TRPM6: variants seen among roughly 807,000 people sequenced by gnomAD.
TRPM6 encodes the protein transient receptor potential cation channel subfamily M member 6, also known as channel kinase 2.
Under a neutral mutation model 247.6 loss-of-function variants are expected in TRPM6, and 111 were observed. The observed-to-expected ratio is 0.45, with a 90% CI of 0.38 to 0.52. The LOEUF is 0.52. Among genes scored for constraint, TRPM6 ranks in the 20% least tolerant of loss-of-function variants. TRPM6 has a pLI of 0.00. For synonymous variants in TRPM6, 892 were observed against 853.8 expected, an observed-to-expected ratio of 1.04 and a Z score of -0.78; for missense variants, 2,126 against 2,421.5, an observed-to-expected ratio of 0.88 and a Z score of 2.56.
At chr9:74,724,985 T>C (rs2118657964) in intron 38 of TRPM6, among the ~76,000 whole-genome samples, 1 of 152,294 alleles carries the variant, frequency 6.6e-6, no homozygotes, top group East Asian at 1.9e-4. Context: ...AAGAAAGACT[T>C]GGTTGCTTGC....
At chr9:74,869,525 G>C (rs112401396) in intron 1 of TRPM6, among the ~76,000 whole-genome samples, 3,005 of 151,670 alleles carry the variant, frequency 0.02, 42 homozygotes, top group Non-Finnish European at 0.029. Flanking sequence ...GTAGTCTGTC[G>C]TATCTGCCAA....
rs1446570233 is a variant in TRPM6, at chr9:74,766,898, G to A, written c.3537-3764C>T. Reference sequence around the variant, plus strand: ...GCACTCCAGCCTAGGCAACAAGAGCGAAACTCCGTCTCAAAAAAAAAGAGA... The same window carrying A: ...GCACTCCAGCCTAGGCAACAAGAGCAAAACTCCGTCTCAAAAAAAAAGAGA... On this transcript the variant is annotated intron_variant, in intron 25 of 38. Transcript: ENST00000360774. Among the ~76,000 whole-genome samples, 9 of 152,048 alleles carry A rather than the reference G, an allele frequency of 5.9e-5. No individual in the cohort carries two copies. The South Asian group carries it at 6.2e-4, about 11-fold the overall frequency.
chr9:74,790,148 A>G (rs1044173821), intron 19 of TRPM6, among the ~76,000 whole-genome samples: 2 of 152,094 alleles, frequency 1.3e-5, no homozygotes, highest in Admixed American at 1.3e-4. Context: ...CAGATAACAT[A>G]GAGAATAGCT....
rs183521008 is a variant in TRPM6, at chr9:74,741,992, T to G, written c.5200+569A>C. 2.0e-5 allele frequency among the ~76,000 whole-genome samples: 3 copies of G among 152,296 alleles called. No individual in the cohort carries two copies. The East Asian group carries it at 5.8e-4, about 29-fold the overall frequency. On this transcript the variant is annotated intron_variant, in intron 33 of 38. Transcript: ENST00000360774. ...TGAGAAGAATCAAGATCAAGGACAC[T>G]TTGGGGACCCTTGCTATATTGTCAA...
Position 74,884,773 on chromosome 9 carries a change from CAT to C in TRPM6, c.33+3049_33+3050del, listed in dbSNP as rs1035089713. On this transcript the variant is annotated intron_variant, in intron 1 of 38. Coordinates refer to ENST00000360774, the MANE Select transcript of TRPM6 (RefSeq NM_017662.5). Reference sequence around the variant, plus strand: ...TGTGATACACAATCAAGGAAAAAAACATATTCAATTCTGTTTACCTTACATGT... The same window carrying C: ...TGTGATACACAATCAAGGAAAAAAACATTCAATTCTGTTTACCTTACATGT... Among the ~76,000 whole-genome samples, 356 of 152,188 alleles carry C rather than the reference CAT, an allele frequency of 2.3e-3. 5 individuals carry two copies. The highest frequency in any genetic ancestry group is 7.8e-3 in the African/African-American group (323 of 41,514).
At chr9:74,750,603 T>C in intron 30 of TRPM6, 61 bp downstream of exon 30, 2 of 1,462,578 alleles carry the variant, frequency 1.4e-6, no homozygotes, top group South Asian at 2.3e-5. Context: ...CCTTTGCTCC[T>C]AACCAAGTTA....
chr9:74,869,628 G>A (rs919136320), intron 1 of TRPM6, among the ~76,000 whole-genome samples: 1 of 152,018 alleles, frequency 6.6e-6, no homozygotes, highest in South Asian at 2.1e-4. Context: ...CCTCTTCACC[G>A]AGAAGGAGCA....
intron 37 of TRPM6, among the ~76,000 whole-genome samples, chr9:74,730,569 T>C (rs910710455): frequency 1.3e-5 from 2 of 152,176 alleles, no homozygotes; most frequent in African/African-American, 2.4e-5. Context: ...CTTAAATCAG[T>C]GCTTCCCAAA....
chr9:74,887,720 T>C, intron 1 of TRPM6, 104 bp downstream of exon 1: 2 of 1,612,942 alleles, frequency 1.2e-6, no homozygotes, highest in Non-Finnish European at 1.7e-6. Context: ...CCTCGTTAGA[T>C]GTAGTGTCCC....
intron 3 of TRPM6, among the ~76,000 whole-genome samples, chr9:74,848,193 C>T (rs1830171129): frequency 1.3e-5 from 2 of 152,196 alleles, no homozygotes; most frequent in South Asian, 4.1e-4. Flanking sequence ...GCTTATTAAG[C>T]TGAGAACTTT....
At chr9:74,731,093 T>C (rs1476881323) in intron 37 of TRPM6, among the ~76,000 whole-genome samples, 1 of 152,204 alleles carries the variant, frequency 6.6e-6, no homozygotes, top group African/African-American at 2.4e-5. Flanking sequence ...GTGACTTTAA[T>C]AGAAATTGAG....
rs375846522 is a variant in TRPM6 at position 74,783,460 on chromosome 9, T to C, written c.2920-607A>G. On this transcript the variant is annotated intron_variant, in intron 21 of 38. Transcript: ENST00000360774. ...TTCAAGCCAGTGGGCTGTGGTTTGA[T>C]GGTGACTTGGGCACTTCTTGTCCAG... is the stretch of plus-strand genomic sequence containing the variant. 3.3e-4 allele frequency among the ~76,000 whole-genome samples: 50 copies of C among 152,328 alleles called. 1 individual carries two copies. The East Asian group carries it at 4.2e-3, about 13-fold the overall frequency.
intron 14 of TRPM6, among the ~76,000 whole-genome samples, chr9:74,805,281 T>C (rs970500405): frequency 1.3e-5 from 2 of 152,198 alleles, no homozygotes; most frequent in Non-Finnish European, 2.9e-5. Flanking sequence ...TTGCTATTGA[T>C]TTGGAAGATC....
At chr9:74,741,236 G>A (rs1825853426) in intron 33 of TRPM6, among the ~76,000 whole-genome samples, 1 of 152,016 alleles carries the variant, frequency 6.6e-6, no homozygotes, top group Non-Finnish European at 1.5e-5. Context: ...AGTGTTTAAT[G>A]TTTCTTAACA....
intron 9 of TRPM6, 196 bp downstream of exon 9, chr9:74,820,108 C>T (rs1478108809): frequency 6.5e-6 from 4 of 615,422 alleles, no homozygotes; most frequent in Non-Finnish European, 1.2e-5. Flanking sequence ...ATCAACCCAT[C>T]ACTTAGGTAT....
At chr9:74,851,892 G>A (rs576468776) in intron 3 of TRPM6, among the ~76,000 whole-genome samples, 31 of 151,594 alleles carry the variant, frequency 2.0e-4, no homozygotes, top group East Asian at 1.9e-4. Flanking sequence ...TTGGGAGGCC[G>A]AGGCAGGAGG....
chr9:74,793,236 A>G (rs1000532368), intron 18 of TRPM6, among the ~76,000 whole-genome samples: 2 of 152,326 alleles, frequency 1.3e-5, no homozygotes, highest in Admixed American at 1.3e-4. Context: ...TGTACTGTAT[A>G]AATTACTGAC....
At chr9:74,833,605 A>AAC in intron 6 of TRPM6, among the ~76,000 whole-genome samples, 1 of 152,208 alleles carries the variant, frequency 6.6e-6, no homozygotes, top group Admixed American at 6.5e-5. Flanking sequence ...TGTTGAGACT[A>AAC]TGCTGTTAGG....
chr9:74,839,049 G>A (rs779196981), intron 5 of TRPM6, among the ~76,000 whole-genome samples: 5 of 149,846 alleles, frequency 3.3e-5, no homozygotes, highest in South Asian at 2.1e-4. Flanking sequence ...GGCGGAGATC[G>A]CAGTGAGCCA....
Sources: allele counts gnomAD v4.1 joint callset (sites outside exome capture counted in the v4.1 genomes callset), GRCh38; gene constraint gnomAD v4.1.1; transcripts MANE v1.5; gene names NCBI Gene and HGNC (gene_info 2026-07-23, HGNC 2026-07-21).